Variants in RIMS2 observed in about 807,000 individuals in gnomAD.
RIMS2 encodes the protein regulating synaptic membrane exocytosis protein 2.
Under a neutral mutation model 174.4 loss-of-function variants are expected in RIMS2, and 59 were observed. The ratio of observed to expected loss-of-function variants is 0.34; its 90% CI spans 0.27 to 0.42. The LOEUF (loss-of-function observed/expected upper bound fraction) is 0.42, where lower values mean the gene tolerates loss of function less well. Among genes scored for constraint, RIMS2 ranks in the 10% least tolerant of loss-of-function variants. The probability of loss-of-function intolerance (pLI) is 1.00; values close to 1 mark genes in which losing one functional copy is unlikely to be tolerated. For synonymous variants in RIMS2, 606 were observed against 572.5 expected, an observed-to-expected ratio of 1.06 and a Z score of -0.84; for missense variants, 1,620 against 1,666.3, an observed-to-expected ratio of 0.97 and a Z score of 0.48.
At chr8:104,012,953 A>G (rs1018097859) in intron 17 of RIMS2, among the ~76,000 whole-genome samples, 1 of 152,158 alleles carries the variant, frequency 6.6e-6, no homozygotes, top group Non-Finnish European at 1.5e-5. Flanking sequence ...CTATTTTCTT[A>G]TAACCTCATT....
chr8:103,886,872 ATTTC>A (rs548166643), intron 4 of RIMS2, among the ~76,000 whole-genome samples: 9 of 151,732 alleles, frequency 5.9e-5, no homozygotes, highest in South Asian at 2.1e-4. Flanking sequence ...ACAACTAAAT[ATTTC>A]TTTATTTGGG....
intron 1 of RIMS2, among the ~76,000 whole-genome samples, chr8:103,567,079 A>G (rs371931028): frequency 1.3e-5 from 2 of 152,176 alleles, no homozygotes; most frequent in Non-Finnish European, 2.9e-5. Flanking sequence ...ACAGAACCAT[A>G]CAGTATGTTG....
intron 2 of RIMS2, among the ~76,000 whole-genome samples, chr8:103,736,459 T>C (rs1428768045): frequency 6.6e-6 from 1 of 152,192 alleles, no homozygotes; most frequent in Non-Finnish European, 1.5e-5. Context: ...CTATTCATTA[T>C]GAGAAATGAC....
chr8:104,063,329 T>A (rs1433315742), intron 19 of RIMS2, among the ~76,000 whole-genome samples: 1 of 152,150 alleles, frequency 6.6e-6, no homozygotes, highest in Non-Finnish European at 1.5e-5. Context: ...AATTGTTTTC[T>A]AACCTCAAAT....
At chr8:103,513,638 C>CT (rs1827632756) in intron 1 of RIMS2, among the ~76,000 whole-genome samples, 1 of 151,986 alleles carries the variant, frequency 6.6e-6, no homozygotes, top group Non-Finnish European at 1.5e-5. Flanking sequence ...GTTTTCAGAG[C>CT]TTTTTGGATT....
At chr8:103,534,877 G>A (rs1586992984) in intron 1 of RIMS2, among the ~76,000 whole-genome samples, 1 of 152,068 alleles carries the variant, frequency 6.6e-6, no homozygotes, top group Non-Finnish European at 1.5e-5. Flanking sequence ...CTTATTTACT[G>A]TCTGGCACTT....
At chr8:104,250,461 A>G (rs1343965753) in intron 22 of RIMS2, among the ~76,000 whole-genome samples, 1 of 152,170 alleles carries the variant, frequency 6.6e-6, no homozygotes, top group African/African-American at 2.4e-5. Context: ...ACTCTGCTAT[A>G]AAAAAATCAT....
At chr8:103,774,002 C>T (rs1280444630) in intron 3 of RIMS2, among the ~76,000 whole-genome samples, 8 of 151,956 alleles carry the variant, frequency 5.3e-5, no homozygotes, top group Non-Finnish European at 1.0e-4. Context: ...ATTAGCTGGA[C>T]GCAGTGGCAC....
At chr8:104,051,481 C>G (rs1345871240) in intron 19 of RIMS2, among the ~76,000 whole-genome samples, 1 of 151,728 alleles carries the variant, frequency 6.6e-6, no homozygotes, top group Non-Finnish European at 1.5e-5. Context: ...TTAAGGAAAT[C>G]TGTAAAAATA....
At position 104,197,321 on chromosome 8, in the gene RIMS2, G is replaced by A. The variant is rs187478699; in HGVS notation, c.3335-47595G>A. On this transcript the variant is annotated intron_variant, in intron 19 of 23. Coordinates refer to ENST00000504942, the Ensembl canonical transcript of RIMS2. ...CTCCCAAGTATCTGGGATTACAGGT[G>A]CCCACCACCACACCTGGCTAATTTT... 2.9e-3 allele frequency among the ~76,000 whole-genome samples: 436 copies of A among 151,836 alleles called. 2 individuals are homozygous for A. Among genetic ancestry groups the A allele is most frequent in the African/African-American group, 0.01 (414 of 41,380 alleles).
chr8:103,728,695 T>C (rs1169719896), intron 2 of RIMS2, among the ~76,000 whole-genome samples: 1 of 151,308 alleles, frequency 6.6e-6, no homozygotes, highest in African/African-American at 2.4e-5. Flanking sequence ...TACAGTGTTA[T>C]ACTCAATGTA....
intron 20 of RIMS2, among the ~76,000 whole-genome samples, chr8:104,246,464 T>C (rs1217776958): frequency 6.6e-6 from 1 of 151,980 alleles, no homozygotes; most frequent in African/African-American, 2.4e-5. Flanking sequence ...GCAGACCCCA[T>C]CTCCCCAAAA....
chr8:103,557,302 G>A (rs2090665708), intron 1 of RIMS2, among the ~76,000 whole-genome samples: 1 of 152,318 alleles, frequency 6.6e-6, no homozygotes, highest in African/African-American at 2.4e-5. Flanking sequence ...GCTAAGCAGT[G>A]TGTTTTCAAA....
intron 3 of RIMS2, among the ~76,000 whole-genome samples, chr8:103,860,410 G>T (rs544298436): frequency 6.6e-6 from 1 of 152,204 alleles, no homozygotes; most frequent in South Asian, 2.1e-4. Flanking sequence ...ATGAAATAGT[G>T]CAGTAAATCA....
intron 1 of RIMS2, among the ~76,000 whole-genome samples, chr8:103,667,129 A>G (rs1344571863): frequency 6.6e-6 from 1 of 152,222 alleles, no homozygotes; most frequent in Non-Finnish European, 1.5e-5. Flanking sequence ...AGCTAGATAA[A>G]GCATCTGTTT....
At chr8:103,972,139 A>G (rs1399642411) in intron 15 of RIMS2, among the ~76,000 whole-genome samples, 1 of 152,018 alleles carries the variant, frequency 6.6e-6, no homozygotes, top group Non-Finnish European at 1.5e-5. Flanking sequence ...TTTTTCTTTA[A>G]ATTCTTATAG....
chr8:104,035,643 T>C (rs182842166), intron 19 of RIMS2, among the ~76,000 whole-genome samples: 521 of 152,136 alleles, frequency 3.4e-3, no homozygotes, highest in Non-Finnish European at 5.2e-3. Flanking sequence ...TGATACTTTG[T>C]ACTTTTGTTT....
At chr8:103,647,203 CT>C (rs2096354629) in intron 1 of RIMS2, among the ~76,000 whole-genome samples, 2 of 152,088 alleles carry the variant, frequency 1.3e-5, no homozygotes, top group South Asian at 4.1e-4. Context: ...GGTGGATATG[CT>C]TTTTTATGTG....
chr8:103,558,440 T>C (rs1047276815), intron 1 of RIMS2, among the ~76,000 whole-genome samples: 1 of 152,086 alleles, frequency 6.6e-6, no homozygotes, highest in African/African-American at 2.4e-5. Context: ...GCCAGGGTGG[T>C]CTCAAACTCC....
Sources: gnomAD v4.1 joint callset for allele counts (sites outside exome capture counted in the v4.1 genomes callset) on GRCh38, gnomAD v4.1.1 for gene constraint, MANE v1.5 for transcripts, NCBI Gene and HGNC (gene_info 2026-07-23, HGNC 2026-07-21) for gene names.